The following HOMER2 variants were observed in gnomAD, a reference collection of about 807,000 sequenced individuals.
HOMER2 encodes homer protein homolog 2.
A neutral mutation model predicts 47.0 loss-of-function variants in HOMER2; 27 were observed. The ratio of observed to expected loss-of-function variants is 0.57; its 90% CI spans 0.42 to 0.79. The LOEUF (loss-of-function observed/expected upper bound fraction) is 0.79, where lower values mean the gene tolerates loss of function less well. Among genes scored for constraint, HOMER2 ranks in the 30% least tolerant of loss-of-function variants. The pLI, the probability that HOMER2 is intolerant of heterozygous loss-of-function variation, is 0.00. For synonymous variants in HOMER2, 161 were observed against 163.8 expected, an observed-to-expected ratio of 0.98 and a Z score of 0.13; for missense variants, 443 against 435.0, an observed-to-expected ratio of 1.02 and a Z score of -0.16.
At chr15:82,836,891 CAT>C (rs1451212603), downstream of HOMER2, 3 of 152,262 alleles carry the variant, frequency 2.0e-5, no homozygotes, top group Admixed American at 6.5e-5. Flanking sequence ...TGTAAAAGCA[CAT>C]GAGAGTGCAT....
chr15:82,909,234 G>A (rs1327984078), intron 1 of HOMER2, among the ~76,000 whole-genome samples: 1 of 152,180 alleles, frequency 6.6e-6, no homozygotes, highest in Non-Finnish European at 1.5e-5. Context: ...ACAGCACTCA[G>A]GCAAAAGTTT....
At chr15:82,950,206 G>A (rs932392591) in intron 1 of HOMER2, among the ~76,000 whole-genome samples, 2 of 152,172 alleles carry the variant, frequency 1.3e-5, no homozygotes, top group African/African-American at 4.8e-5. Context: ...GTCTGGAAAG[G>A]GGAATAGGTA....
At chr15:82,860,767 T>C (rs2051746120) in intron 4 of HOMER2, among the ~76,000 whole-genome samples, 1 of 151,936 alleles carries the variant, frequency 6.6e-6, no homozygotes, top group South Asian at 2.1e-4. Context: ...TGAAACCCTG[T>C]CTCTACTAAA....
At chr15:82,893,626 T>A (rs1267235066) in intron 1 of HOMER2, among the ~76,000 whole-genome samples, 3 of 85,650 alleles carry the variant, frequency 3.5e-5, no homozygotes, top group Admixed American at 1.2e-4. Flanking sequence ...CCACTGCGCC[T>A]TTTTTTTTTT....
At chr15:82,872,371 A>C (rs1411634525) in intron 3 of HOMER2, among the ~76,000 whole-genome samples, 1 of 151,866 alleles carries the variant, frequency 6.6e-6, no homozygotes, top group African/African-American at 2.4e-5. Flanking sequence ...TTCCTCTTCT[A>C]TTCACCCCAG....
intron 3 of HOMER2, among the ~76,000 whole-genome samples, chr15:82,874,904 A>C (rs2052297699): frequency 6.6e-6 from 1 of 152,186 alleles, no homozygotes; most frequent in African/African-American, 2.4e-5. Flanking sequence ...AAGGTCACCT[A>C]ATCCTCAGAG....
At chr15:82,901,358 C>A (rs529369837) in intron 1 of HOMER2, among the ~76,000 whole-genome samples, 1 of 152,188 alleles carries the variant, frequency 6.6e-6, no homozygotes, top group African/African-American at 2.4e-5. Flanking sequence ...GTAAACATTA[C>A]GGCGGCAGGG....
At chr15:82,876,893 G>A (rs1453110637) in intron 2 of HOMER2, among the ~76,000 whole-genome samples, 1 of 152,226 alleles carries the variant, frequency 6.6e-6, no homozygotes, top group African/African-American at 2.4e-5. Flanking sequence ...GTAAGTGACA[G>A]CTGTCAGTAG....
chr15:82,931,794 C>T (rs1015589813), intron 1 of HOMER2, among the ~76,000 whole-genome samples: 11 of 152,082 alleles, frequency 7.2e-5, no homozygotes, highest in Non-Finnish European at 1.0e-4. Context: ...GCCGAGATCG[C>T]GCCACTGCAC....
At chr15:82,891,940 A>T (rs1287126095) in intron 2 of HOMER2, among the ~76,000 whole-genome samples, 1 of 152,148 alleles carries the variant, frequency 6.6e-6, no homozygotes, top group African/African-American at 2.4e-5. Context: ...TAATCCATGT[A>T]AAAAATGTAC....
intron 2 of HOMER2, among the ~76,000 whole-genome samples, chr15:82,882,854 G>GCT (rs4010117): frequency 0.46 from 36,495 of 79,806 alleles, 8,960 homozygotes; most frequent in African/African-American, 0.67. Context: ...CTCAAAATGA[G>GCT]CTGAGTCCAT....
intron 1 of HOMER2, among the ~76,000 whole-genome samples, chr15:82,972,338 T>C (rs2030022539): frequency 6.6e-6 from 1 of 152,212 alleles, no homozygotes; most frequent in East Asian, 1.9e-4. Flanking sequence ...TGGCTAAGAA[T>C]ACAAATTATG....
At chr15:82,839,117 T>TA in exon 2 of HOMER2, 1 of 152,172 alleles carries the variant, frequency 6.6e-6, no homozygotes, top group Non-Finnish European at 1.5e-5. Flanking sequence ...ACCAAAATCT[T>TA]ATCTGGTGGA....
At chr15:82,873,681 A>G (rs979364452) in intron 3 of HOMER2, among the ~76,000 whole-genome samples, 3 of 152,196 alleles carry the variant, frequency 2.0e-5, no homozygotes, top group African/African-American at 7.2e-5. Flanking sequence ...CCCAGGAAAG[A>G]ATGCTTCTGT....
chr15:82,851,826 T>C lies in HOMER2; in HGVS notation c.762+316A>G, dbSNP rs552306979. ...AATAAGTGGTTACATCATGGGTCTC[T>C]AGCGGCATTAATTTGGCAGCAAAAC... On this transcript the variant is annotated intron_variant, in intron 7 of 8. Coordinates refer to ENST00000450735, the MANE Select transcript of HOMER2 (RefSeq NM_004839.4). Among the ~76,000 whole-genome samples the C allele has an allele frequency of 2.0e-5, 3 of 152,370 alleles. No individual in the cohort carries two copies. In the East Asian group the frequency reaches 5.8e-4, roughly 29 times the overall value.
At chr15:82,970,618 C>T (rs961278120) in intron 1 of HOMER2, among the ~76,000 whole-genome samples, 1 of 152,092 alleles carries the variant, frequency 6.6e-6, no homozygotes, top group African/African-American at 2.4e-5. Flanking sequence ...TTACCTGTGC[C>T]ATAGTAGAAT....
chr15:82,940,088 G>A (rs375428920), intron 1 of HOMER2, among the ~76,000 whole-genome samples: 18 of 152,008 alleles, frequency 1.2e-4, no homozygotes, highest in East Asian at 3.9e-4. Context: ...GAGTGGGGAG[G>A]GAATAGCATT....
At chr15:82,872,717 G>A (rs191447141) in intron 3 of HOMER2, among the ~76,000 whole-genome samples, 2,379 of 149,482 alleles carry the variant, frequency 0.016, 66 homozygotes, top group African/African-American at 0.058. Flanking sequence ...CCTGTTGTCG[G>A]GCAGACGACG....
At chr15:82,898,752 G>A (rs1391122436) in intron 1 of HOMER2, among the ~76,000 whole-genome samples, 6 of 152,162 alleles carry the variant, frequency 3.9e-5, no homozygotes, top group African/African-American at 1.2e-4. Flanking sequence ...GAATTAGCAC[G>A]ACTACTTTTG....
Sources: allele counts gnomAD v4.1 joint callset (sites outside exome capture counted in the v4.1 genomes callset), GRCh38; gene constraint gnomAD v4.1.1; transcripts MANE v1.5; gene names NCBI Gene and HGNC (gene_info 2026-07-23, HGNC 2026-07-21).